The following FUBP3 variants were observed in gnomAD, a reference collection of about 807,000 sequenced individuals.
FUBP3 encodes the protein far upstream element binding protein 3.
A neutral mutation model predicts 85.6 loss-of-function variants in FUBP3; 28 were observed. The ratio of observed to expected loss-of-function variants is 0.33; its 90% confidence interval spans 0.24 to 0.45. The LOEUF (loss-of-function observed/expected upper bound fraction) is 0.45, where lower values mean the gene tolerates loss of function less well. Ranked by LOEUF, FUBP3 falls within the 20% of genes least tolerant of loss-of-function variation. FUBP3 has a pLI of 1.00. For synonymous variants in FUBP3, 271 were observed against 271.4 expected (o/e 1.00, Z 0.01); for missense variants, 583 against 755.1 (o/e 0.77, Z 2.67).
chr9:130,589,705 A>ATATTTTTTTTTTTT (rs1414691549), intron 1 of FUBP3, among the ~76,000 whole-genome samples: 1 of 73,834 alleles, frequency 1.4e-5, no homozygotes, highest in African/African-American at 7.7e-5. Context: ...ATATATATAT[A>ATATTTTTTTTTTTT]TTTTTTTTTT....
chr9:130,609,950 A>T lies in FUBP3; in HGVS notation c.191-4A>T, dbSNP rs975242418. On this transcript the variant is annotated splice_region_variant and splice_polypyrimidine_tract_variant and intron_variant, in intron 2 of 18. Transcript: ENST00000319725. ...TTTTTTTTTTCTCTTTCTCTTTGCC[A>T]CAGTAGGTAACCAGTTAGGGGCCTT... The T allele has an allele frequency of 4.4e-6, 7 of 1,606,304 alleles. No individual in the cohort carries two copies. The highest frequency in any genetic ancestry group is 6.0e-6 in the Non-Finnish European group (7 of 1,173,938).
intron 5 of FUBP3, among the ~76,000 whole-genome samples, 192 bp downstream of exon 5, chr9:130,613,219 A>C (rs1382615884): frequency 6.6e-6 from 1 of 152,240 alleles, no homozygotes; most frequent in African/African-American, 2.4e-5. Context: ...AAGGCCTCCT[A>C]TCTGGCTTCT....
intron 2 of FUBP3, among the ~76,000 whole-genome samples, chr9:130,595,897 A>G (rs186064232): frequency 1.6e-4 from 25 of 152,342 alleles, no homozygotes; most frequent in African/African-American, 5.5e-4. Context: ...TTCAGTGCGC[A>G]TGGGAATTGA....
At chr9:130,632,632 C>T (rs1461700689) in intron 16 of FUBP3, among the ~76,000 whole-genome samples, 1 of 152,246 alleles carries the variant, frequency 6.6e-6, no homozygotes, top group Non-Finnish European at 1.5e-5. Flanking sequence ...TTCTCCACCC[C>T]TTGAGGGGCT....
In FUBP3 at chr9:130,616,346, C is replaced by T; in HGVS notation, c.405-9C>T. 2 of 1,613,876 alleles carry T rather than the reference C, an allele frequency of 1.2e-6. No homozygotes were observed. The highest frequency in any genetic ancestry group is 1.7e-6 in the Non-Finnish European group (2 of 1,179,796). On this transcript the variant is annotated splice_polypyrimidine_tract_variant and intron_variant, in intron 6 of 18. Coordinates refer to ENST00000319725, the MANE Select transcript of FUBP3 (RefSeq NM_003934.2). This position sits in a 1 kb window ranked among gnomAD's most constrained non-coding sequence, Gnocchi z 4.7. ...GCTGGTTCTCTTGTGGTTCTTTTCC[C>T]TCCCAAAGACAAGCCAAACGGCTCC... is the stretch of plus-strand genomic sequence containing the variant.
chr9:130,582,150 G>C (rs979766469), intron 1 of FUBP3: 1 of 152,186 alleles, frequency 6.6e-6, no homozygotes, highest in South Asian at 2.1e-4. Context: ...ATTCTATAGG[G>C]TAGTAGAAAT....
At chr9:130,634,086 C>T (rs1448889257) in intron 16 of FUBP3, among the ~76,000 whole-genome samples, 7 of 152,196 alleles carry the variant, frequency 4.6e-5, no homozygotes, top group South Asian at 2.1e-4. Context: ...TGTTTCTCCG[C>T]GTCCCCCAGT....
chr9:130,630,540 G>A lies in FUBP3; in HGVS notation c.1118-88G>A, dbSNP rs766618879. On this transcript the variant is annotated intron_variant, in intron 12 of 18. Transcript: ENST00000319725. ...GTGCCGACGTGCACAAAATCCCCCC[G>A]AGTTGTCTTCTGGAGCCAAGTGCCC... 4.6e-5 allele frequency: 48 copies of A among 1,051,596 alleles called. 1 individual carries two copies. The highest frequency in any genetic ancestry group is 5.8e-5 in the Non-Finnish European group (43 of 742,030). 65.1% of individuals were successfully genotyped at this position (1,051,596 alleles called of 1,614,324 possible).
chr9:130,586,465 AG>A (rs1352967558), intron 1 of FUBP3, among the ~76,000 whole-genome samples: 10 of 149,774 alleles, frequency 6.7e-5, no homozygotes, highest in African/African-American at 2.5e-4. Context: ...GCAGTGGCGC[AG>A]TCTCAGCTCA....
chr9:130,595,226 CAA>C (rs10585883), intron 1 of FUBP3, among the ~76,000 whole-genome samples: 6,310 of 100,906 alleles, frequency 0.063, 381 homozygotes, highest in African/African-American at 0.21. Flanking sequence ...AACTCCGTCT[CAA>C]AAAAAAAAAA....
At chr9:130,589,705 A>ATATATATATTTTTTTT (rs1414691549) in intron 1 of FUBP3, among the ~76,000 whole-genome samples, 5 of 73,836 alleles carry the variant, frequency 6.8e-5, no homozygotes, top group African/African-American at 3.9e-4. Context: ...ATATATATAT[A>ATATATATATTTTTTTT]TTTTTTTTTT....
At chr9:130,593,169 T>A (rs1830710015) in intron 1 of FUBP3, among the ~76,000 whole-genome samples, 1 of 152,192 alleles carries the variant, frequency 6.6e-6, no homozygotes, top group African/African-American at 2.4e-5. Flanking sequence ...GGCCTGCCCA[T>A]TCACCCCATT....
chr9:130,621,156 A>G (rs763030333), intron 9 of FUBP3, among the ~76,000 whole-genome samples: 3 of 152,194 alleles, frequency 2.0e-5, no homozygotes, highest in South Asian at 4.1e-4. Context: ...TTTAGCCACA[A>G]TAAAAGAAAA....
At position 130,637,214 on chromosome 9, in the gene FUBP3, G is replaced by T. The variant is rs1413991091; in HGVS notation, c.*192G>T. On this transcript the variant is annotated 3_prime_UTR_variant, in exon 19 of 19. Transcript: ENST00000319725. Reference sequence around the variant, plus strand: ...TTACTAAAAATTGCTGATCATTTTTGTTTCATTATTTTTGTTATTTCAAAT... The same window carrying T: ...TTACTAAAAATTGCTGATCATTTTTTTTTCATTATTTTTGTTATTTCAAAT... 2 of 604,716 alleles carry T rather than the reference G, an allele frequency of 3.3e-6. No homozygotes were observed. Among genetic ancestry groups the T allele is most frequent in the Non-Finnish European group, 5.9e-6 (2 of 339,180 alleles). The allele number at this position is 604,716 out of a possible 1,614,324, so 37.5% of individuals were successfully genotyped here. A position where few individuals can be genotyped will look rare whatever the true frequency, so the allele number is the denominator to read the frequency against.
chr9:130,637,618 G>C lies in FUBP3; in HGVS notation c.*596G>C, dbSNP rs1830461921. 1 of 152,874 alleles carries C rather than the reference G, an allele frequency of 6.5e-6. No individual in the cohort carries two copies. Among genetic ancestry groups the C allele is most frequent in the Non-Finnish European group, 1.5e-5 (1 of 68,380 alleles). 9.5% of individuals were successfully genotyped at this position (152,874 alleles called of 1,614,324 possible). Reference sequence around the variant, plus strand: ...TTGTATTGCTGTCCAACAGGGGTTGGGAGGGGCATTTTGTAGGGTTTGTAT... The same window carrying C: ...TTGTATTGCTGTCCAACAGGGGTTGCGAGGGGCATTTTGTAGGGTTTGTAT... On this transcript the variant is annotated 3_prime_UTR_variant, in exon 19 of 19. Transcript: ENST00000319725.
At chr9:130,589,675 G>GTGTGTGTATGTATA (rs869282275) in intron 1 of FUBP3, among the ~76,000 whole-genome samples, 1 of 34,312 alleles carries the variant, frequency 2.9e-5, no homozygotes, top group African/African-American at 1.3e-4. Flanking sequence ...GTATGTGTGT[G>GTGTGTGTATGTATA]TATATATATA....
At chr9:130,610,346 A>G (rs1184957194) in intron 3 of FUBP3, among the ~76,000 whole-genome samples, 1 of 152,164 alleles carries the variant, frequency 6.6e-6, no homozygotes, top group African/African-American at 2.4e-5. Flanking sequence ...CTGAGAAGAG[A>G]CACCTCGAAG....
In FUBP3 at chr9:130,579,590, G is replaced by A; in HGVS notation, c.-91G>A. ...AGGGCGACTTTCCTTTTCCGGCTAC[G>A]GGTCCCCAAGCGGAGCGGGAGGCCG... On this transcript the variant is annotated 5_prime_UTR_variant, in exon 1 of 19. Transcript: ENST00000319725. 1.3e-6 allele frequency: 1 copy of A among 790,164 alleles called. No individual in the cohort carries two copies. Among genetic ancestry groups the A allele is most frequent in the Non-Finnish European group, 1.7e-6 (1 of 587,602 alleles). The allele number at this position is 790,164 out of a possible 1,614,324, so 48.9% of individuals were successfully genotyped here.
chr9:130,603,862 C>T (rs1831289728), intron 2 of FUBP3, among the ~76,000 whole-genome samples: 1 of 152,146 alleles, frequency 6.6e-6, no homozygotes, highest in Admixed American at 6.5e-5. Context: ...CAAAACTAAA[C>T]ATGCACTTAC....
Sources: gnomAD v4.1 joint callset for allele counts (sites outside exome capture counted in the v4.1 genomes callset) on GRCh38, gnomAD v4.1.1 for gene constraint, Gnocchi (gnomAD v3.1) non-coding constraint, MANE v1.5 for transcripts, NCBI Gene and HGNC (gene_info 2026-07-23, HGNC 2026-07-21) for gene names.